Variants in DLG2 observed in about 807,000 individuals in gnomAD.
DLG2 encodes disks large homolog 2.
In DLG2, 45 loss-of-function variants were observed where a neutral mutation model predicts 132.5. The observed-to-expected ratio is 0.34, with a 90% CI of 0.27 to 0.44. DLG2 has a LOEUF of 0.44. Among genes scored for constraint, DLG2 ranks in the 20% least tolerant of loss-of-function variants. The pLI, the probability that DLG2 is intolerant of heterozygous loss-of-function variation, is 1.00. For missense variants in DLG2, 1,045 were observed against 1,196.9 expected (o/e 0.87, Z 1.87); for synonymous variants, 424 against 419.6 (o/e 1.01, Z -0.13).
At chr11:84,213,249 T>A (rs1275564071) in intron 8 of DLG2, among the ~76,000 whole-genome samples, 3 of 152,150 alleles carry the variant, frequency 2.0e-5, no homozygotes, top group Non-Finnish European at 4.4e-5. Context: ...TTTGTAGTCA[T>A]CTCATTATAT....
At chr11:85,114,371 A>C (rs1055412542) in intron 5 of DLG2, among the ~76,000 whole-genome samples, 1 of 151,982 alleles carries the variant, frequency 6.6e-6, no homozygotes, top group African/African-American at 2.4e-5. Context: ...GAACATTAGA[A>C]TTCCCTCAAG....
Position 85,384,566 on chromosome 11 carries a change from GT to G in DLG2, c.41-99202del, listed in dbSNP as rs1169743608. On this transcript the variant is annotated intron_variant, in intron 3 of 27. Coordinates refer to ENST00000376104, the MANE Select transcript of DLG2 (RefSeq NM_001142699.3). Reference sequence around the variant, plus strand: ...GTAAGTTACTAAATATTTTTTGTTTGTTTTTTTGTTTGTTTGTTTTGAGAAA... The same window carrying G: ...GTAAGTTACTAAATATTTTTTGTTTGTTTTTTGTTTGTTTGTTTTGAGAAA... Among the ~76,000 whole-genome samples, 28 of 152,024 alleles carry G rather than the reference GT, an allele frequency of 1.8e-4. No individual in the cohort carries two copies. In the South Asian group the frequency reaches 5.4e-3, roughly 29 times the overall value.
chr11:84,118,559 A>G (rs1430477032), intron 9 of DLG2, among the ~76,000 whole-genome samples: 1 of 152,216 alleles, frequency 6.6e-6, no homozygotes, highest in Non-Finnish European at 1.5e-5. Context: ...TCTCAACATC[A>G]ATTCTAATGT....
At chr11:85,544,714 T>C (rs2153213835) in intron 3 of DLG2, among the ~76,000 whole-genome samples, 1 of 152,312 alleles carries the variant, frequency 6.6e-6, no homozygotes, top group South Asian at 2.1e-4. Flanking sequence ...TCACATCCCT[T>C]GTAAGTTGGA....
chr11:84,849,825 A>T (rs140226342), intron 6 of DLG2, among the ~76,000 whole-genome samples: 45 of 152,220 alleles, frequency 3.0e-4, no homozygotes, highest in African/African-American at 1.0e-3. Flanking sequence ...GACATTATCT[A>T]TCTTTTTCAC....
chr11:85,415,822 G>A (rs947602912), intron 3 of DLG2, among the ~76,000 whole-genome samples: 6 of 152,098 alleles, frequency 3.9e-5, no homozygotes, highest in African/African-American at 1.4e-4. Context: ...TCTGATGATA[G>A]TATCTATCAT....
intron 6 of DLG2, among the ~76,000 whole-genome samples, chr11:85,108,560 T>G (rs1485706868): frequency 1.3e-5 from 2 of 152,036 alleles, no homozygotes; most frequent in Admixed American, 1.3e-4. Context: ...CCATTTTTTT[T>G]ATTCTATAAG....
At position 84,536,874 on chromosome 11, in the gene DLG2, A is replaced by G. The variant is rs138851790; in HGVS notation, c.358-2143T>C. 3.1e-3 allele frequency among the ~76,000 whole-genome samples: 479 copies of G among 152,248 alleles called. 1 individual carries two copies. Among genetic ancestry groups the G allele is most frequent in the Non-Finnish European group, 5.5e-3 (372 of 67,998 alleles). ...CAACACTGTCCATGTTCAGGATCCC[A>G]TAAGTTCTCAGCTGGGCTATAGAAA... is the stretch of plus-strand genomic sequence containing the variant. On this transcript the variant is annotated intron_variant, in intron 6 of 27. Transcript: ENST00000376104.
chr11:84,224,649 C>T (rs1007163718), intron 8 of DLG2, among the ~76,000 whole-genome samples: 1 of 152,072 alleles, frequency 6.6e-6, no homozygotes, highest in Non-Finnish European at 1.5e-5. Context: ...AAACTAAGTC[C>T]CTGCTCAAGG....
At chr11:84,589,008 T>C (rs1405161676) in intron 6 of DLG2, among the ~76,000 whole-genome samples, 1 of 152,010 alleles carries the variant, frequency 6.6e-6, no homozygotes, top group Non-Finnish European at 1.5e-5. Context: ...GAAGGGACAA[T>C]AGTGAGGAAA....
At chr11:84,687,787 T>C (rs753808092) in intron 6 of DLG2, among the ~76,000 whole-genome samples, 3 of 152,142 alleles carry the variant, frequency 2.0e-5, no homozygotes, top group Non-Finnish European at 4.4e-5. Context: ...CATATACACA[T>C]TAAATGTCAA....
At chr11:84,272,428 A>G (rs956001808) in intron 7 of DLG2, 5 of 270,234 alleles carry the variant, frequency 1.9e-5, no homozygotes, top group African/African-American at 2.3e-5. Context: ...GGTGATCTCA[A>G]TTCTTCAAAG....
rs529397026 is a variant in DLG2 at position 85,352,291 on chromosome 11, C to T, written c.41-66926G>A. On this transcript the variant is annotated intron_variant, in intron 3 of 27. Coordinates refer to ENST00000376104, the MANE Select transcript of DLG2 (RefSeq NM_001142699.3). Reference sequence around the variant, plus strand: ...CATTTTTTATTGCGTCTATTTGATTCTTCTCTCTTTTCTTCTTTATTAGTC... The same window carrying T: ...CATTTTTTATTGCGTCTATTTGATTTTTCTCTCTTTTCTTCTTTATTAGTC... 1.3e-3 allele frequency among the ~76,000 whole-genome samples: 205 copies of T among 151,890 alleles called. 1 individual carries two copies. Among genetic ancestry groups the T allele is most frequent in the African/African-American group, 4.5e-3 (187 of 41,446 alleles).
At chr11:84,990,136 C>G (rs191119674) in intron 6 of DLG2, among the ~76,000 whole-genome samples, 185 of 152,256 alleles carry the variant, frequency 1.2e-3, no homozygotes, top group African/African-American at 4.3e-3. Context: ...GTGAAGAACT[C>G]CACAACTCAA....
intron 3 of DLG2, among the ~76,000 whole-genome samples, chr11:85,420,557 C>G (rs1480076514): frequency 6.6e-6 from 1 of 152,150 alleles, no homozygotes; most frequent in Non-Finnish European, 1.5e-5. Flanking sequence ...GGTGCTCTGT[C>G]CCAAGGAGAT....
In DLG2 at chr11:83,660,755, G is replaced by A. The variant is rs74854119; in HGVS notation, c.1826-27430C>T. 7.4e-3 allele frequency among the ~76,000 whole-genome samples: 1,123 copies of A among 152,138 alleles called. 15 individuals are homozygous for A. Among genetic ancestry groups the A allele is most frequent in the Non-Finnish European group, 0.011 (759 of 68,000 alleles). ...AAAGACTTGAGGTACATAAGGGGGT[G>A]GCTGATGGAAAAAAGTGATGGAAAG... is the stretch of plus-strand genomic sequence containing the variant. On this transcript the variant is annotated intron_variant, in intron 18 of 27. Transcript: ENST00000376104.
chr11:84,163,118 A>G (rs2095583861), intron 9 of DLG2, among the ~76,000 whole-genome samples: 1 of 152,190 alleles, frequency 6.6e-6, no homozygotes, highest in Non-Finnish European at 1.5e-5. Flanking sequence ...GATATCACAC[A>G]AATGAAAACA....
At chr11:85,157,836 T>G (rs189764757) in intron 4 of DLG2, among the ~76,000 whole-genome samples, 10 of 152,080 alleles carry the variant, frequency 6.6e-5, no homozygotes, top group African/African-American at 2.4e-4. Context: ...AACACTGAGT[T>G]TGTAAACTCT....
intron 7 of DLG2, among the ~76,000 whole-genome samples, chr11:84,332,292 A>G (rs1352165728): frequency 6.6e-6 from 1 of 151,052 alleles, no homozygotes; most frequent in Admixed American, 6.6e-5. Context: ...GCTCACTGCA[A>G]GCTCCGCCTC....
Sources: allele counts gnomAD v4.1 joint callset (sites outside exome capture counted in the v4.1 genomes callset), GRCh38; gene constraint gnomAD v4.1.1; transcripts MANE v1.5; gene names NCBI Gene and HGNC (gene_info 2026-07-23, HGNC 2026-07-21).